Variants in DLG5 observed in about 807,000 individuals in gnomAD.
DLG5 encodes disks large homolog 5.
In DLG5, 48 loss-of-function variants were observed where a neutral mutation model predicts 189.8. The ratio of observed to expected loss-of-function variants is 0.25; its 90% CI spans 0.20 to 0.32. The LOEUF (loss-of-function observed/expected upper bound fraction) is 0.32, where lower values mean the gene tolerates loss of function less well. DLG5 is among the 10% of genes least tolerant of loss of function. The probability of loss-of-function intolerance (pLI) is 1.00; values close to 1 mark genes in which losing one functional copy is unlikely to be tolerated. For synonymous variants in DLG5, 1,016 were observed against 1,054.1 expected, an observed-to-expected ratio of 0.96 and a Z score of 0.70; for missense variants, 2,160 against 2,544.7, an observed-to-expected ratio of 0.85 and a Z score of 3.25.
chr10:77,831,620 G>C (rs1480031687), intron 9 of DLG5, among the ~76,000 whole-genome samples: 1 of 152,204 alleles, frequency 6.6e-6, no homozygotes, highest in Non-Finnish European at 1.5e-5. Flanking sequence ...AGACACACAG[G>C]TCTGTAGAAC....
chr10:77,796,709 A>C lies in DLG5; in HGVS notation c.5165-115T>G. The C allele has an allele frequency of 7.5e-7, 1 of 1,324,876 alleles. No homozygotes were observed. The highest frequency in any genetic ancestry group is 1.0e-6 in the Non-Finnish European group (1 of 958,146). 82.1% of individuals were successfully genotyped at this position (1,324,876 alleles called of 1,614,324 possible). A position where few individuals can be genotyped will look rare whatever the true frequency, so the allele number is the denominator to read the frequency against. ...ACTCTGGTTTGCCTGGGACTCCCCC[A>C]GCTTCAGCACTGAAAATCTCGTGTC... is the stretch of plus-strand genomic sequence containing the variant. On this transcript the variant is annotated intron_variant, in intron 27 of 31. Coordinates refer to ENST00000372391, the MANE Select transcript of DLG5 (RefSeq NM_004747.4). The surrounding 1 kb of genome is among the most constrained non-coding windows in gnomAD (Gnocchi z 5.2).
At chr10:77,801,266 G>A (rs112085001) in intron 27 of DLG5, among the ~76,000 whole-genome samples, 1,997 of 152,042 alleles carry the variant, frequency 0.013, 40 homozygotes, top group African/African-American at 0.044. Context: ...ATTAAAGCCT[G>A]GTAAAAAAGA....
chr10:77,839,099 C>T (rs1025178742), intron 7 of DLG5, among the ~76,000 whole-genome samples: 13 of 152,360 alleles, frequency 8.5e-5, no homozygotes, highest in Middle Eastern at 3.4e-3. Flanking sequence ...GACGTCAGGC[C>T]TGGAGGTCTC....
chr10:77,903,288 C>T (rs974594951), intron 1 of DLG5, among the ~76,000 whole-genome samples: 5 of 151,894 alleles, frequency 3.3e-5, no homozygotes, highest in Non-Finnish European at 5.9e-5. Flanking sequence ...ATTAGCCGGG[C>T]GTGGTGGCAC....
Position 77,821,754 on chromosome 10 carries a change from C to A in DLG5, c.2730G>T (p.Val910=). 1 of 1,609,196 alleles carries A rather than the reference C, an allele frequency of 6.2e-7. No individual in the cohort carries two copies. Residue 910 remains valine, a synonymous_variant, in exon 15 of 32, where the codon GTG becomes GTT. Transcript: ENST00000372391. ...AGGGCAGCAGTGGCCGCCGGCCACGCACGTCCACCAGCCCAAAGCCACGGT... is the reference window on the plus strand; with the variant it reads ...AGGGCAGCAGTGGCCGCCGGCCACGAACGTCCACCAGCCCAAAGCCACGGT... ...SGDRGFGLVD[V]RGRRPLLPFE...
intron 30 of DLG5, 39 bp from the exon 31 acceptor site, chr10:77,794,156 T>A: frequency 1.3e-6 from 2 of 1,571,926 alleles, no homozygotes; most frequent in Non-Finnish European, 1.8e-6. Flanking sequence ...GCACTGAGCC[T>A]CCTCCAGGCC....
chr10:77,806,452 T>C (rs1046377420), intron 26 of DLG5, among the ~76,000 whole-genome samples: 2 of 152,156 alleles, frequency 1.3e-5, no homozygotes, highest in African/African-American at 2.4e-5. Context: ...CCTATCAATA[T>C]GTTGAAAACC....
chr10:77,826,530 G>A (rs1356544369), intron 13 of DLG5, among the ~76,000 whole-genome samples: 1 of 152,208 alleles, frequency 6.6e-6, no homozygotes, highest in African/African-American at 2.4e-5. Flanking sequence ...TCAGGTGGCT[G>A]AGGCAGGAGA....
At chr10:77,868,568 G>A (rs1844778750) in intron 2 of DLG5, 1 of 252,584 alleles carries the variant, frequency 4.0e-6, no homozygotes, top group Non-Finnish European at 7.8e-6. Context: ...GAAGGTGTCT[G>A]CATCCATCAT....
chr10:77,863,369 G>A (rs994691526), intron 2 of DLG5, among the ~76,000 whole-genome samples: 1 of 152,152 alleles, frequency 6.6e-6, no homozygotes, highest in Non-Finnish European at 1.5e-5. Flanking sequence ...AAAGTGCTGG[G>A]ATTATAGGTT....
At position 77,880,044 on chromosome 10, in the gene DLG5, G is replaced by A. The variant is rs111505451; in HGVS notation, c.305-10847C>T. ...AGGAGTACAGACAGCAAGGGCAGTG[G>A]AGAGGTCCAAGGAATGAACCTGAGC... is the stretch of plus-strand genomic sequence containing the variant. On this transcript the variant is annotated intron_variant, in intron 1 of 31. Coordinates refer to ENST00000372391, the MANE Select transcript of DLG5 (RefSeq NM_004747.4). Among the ~76,000 whole-genome samples, 182 of 152,320 alleles carry A rather than the reference G, an allele frequency of 1.2e-3. 2 individuals are homozygous for A. The highest frequency in any genetic ancestry group is 3.8e-3 in the African/African-American group (159 of 41,572).
chr10:77,799,324 G>GTGA (rs1354848839), intron 27 of DLG5, among the ~76,000 whole-genome samples: 26 of 152,342 alleles, frequency 1.7e-4, no homozygotes, highest in Middle Eastern at 3.4e-3. Context: ...AAGCCCCAGT[G>GTGA]TGACTACCTT....
chr10:77,858,735 T>C (rs1417270499), intron 2 of DLG5, among the ~76,000 whole-genome samples: 1 of 152,220 alleles, frequency 6.6e-6, no homozygotes, highest in Non-Finnish European at 1.5e-5. Context: ...TAGGCTAATA[T>C]ATGAATATAT....
chr10:77,801,612 A>G (rs2579146), intron 27 of DLG5, among the ~76,000 whole-genome samples: 40,056 of 152,194 alleles, frequency 0.26, 5,777 homozygotes, highest in Admixed American at 0.4. Context: ...TGAGCAGGAT[A>G]AACACAAAGA....
chr10:77,929,503 T>C (rs1166244577), upstream of DLG5: 1 of 152,164 alleles, frequency 6.6e-6, no homozygotes, highest in African/African-American at 2.4e-5. Flanking sequence ...TATTTAGAAA[T>C]AGGGTCTTTG....
At chr10:77,880,032 G>A (rs529106899) in intron 1 of DLG5, among the ~76,000 whole-genome samples, 1 of 152,308 alleles carries the variant, frequency 6.6e-6, no homozygotes, top group South Asian at 2.1e-4. Flanking sequence ...AGTACAGACA[G>A]CAAGGGCAGT....
At chr10:77,926,928 G>A (rs781647893), upstream of DLG5, 8 of 355,030 alleles carry the variant, frequency 2.3e-5, no homozygotes, top group South Asian at 9.6e-5. The surrounding 1 kb of genome is among the most constrained non-coding windows in gnomAD (Gnocchi z 5.2). Context: ...GCCGCGCGCC[G>A]CCCCCAGAGC....
chr10:77,804,375 C>T (rs528246525), intron 27 of DLG5, among the ~76,000 whole-genome samples: 6 of 152,344 alleles, frequency 3.9e-5, no homozygotes, highest in African/African-American at 1.2e-4. Flanking sequence ...CAGACTCGGT[C>T]CATGGCCAAT....
chr10:77,902,394 A>G (rs567557153), intron 1 of DLG5, among the ~76,000 whole-genome samples: 1 of 152,342 alleles, frequency 6.6e-6, no homozygotes, highest in Non-Finnish European at 1.5e-5. Context: ...ACCCAACAGC[A>G]CCACTTCTAG....
Sources: gnomAD v4.1 joint callset for allele counts (sites outside exome capture counted in the v4.1 genomes callset) on GRCh38, gnomAD v4.1.1 for gene constraint, Gnocchi (gnomAD v3.1) non-coding constraint, MANE v1.5 for transcripts, NCBI Gene and HGNC (gene_info 2026-07-23, HGNC 2026-07-21) for gene names.